LRRC4C: variants seen among roughly 807,000 people sequenced by gnomAD.
LRRC4C encodes leucine-rich repeat-containing protein 4C.
LRRC4C carries 5 observed loss-of-function variants against 33.6 expected under a neutral mutation model. The ratio of observed to expected loss-of-function variants is 0.15; its 90% CI spans 0.08 to 0.31. The LOEUF (loss-of-function observed/expected upper bound fraction) is 0.31, where lower values mean the gene tolerates loss of function less well. LRRC4C is among the 10% of genes least tolerant of loss of function. The probability of loss-of-function intolerance (pLI) is 1.00; values close to 1 mark genes in which losing one functional copy is unlikely to be tolerated. For missense variants in LRRC4C, 560 were observed against 796.7 expected (o/e 0.70, Z 3.58); for synonymous variants, 329 against 302.0 (o/e 1.09, Z -0.93).
intron 3 of LRRC4C, among the ~76,000 whole-genome samples, chr11:40,400,651 A>G (rs953438705): frequency 6.6e-6 from 1 of 152,056 alleles, no homozygotes; most frequent in African/African-American, 2.4e-5. Flanking sequence ...GAAACTCCAG[A>G]CATTCTGAAT....
intron 3 of LRRC4C, among the ~76,000 whole-genome samples, chr11:40,475,005 G>A (rs1045875160): frequency 2.0e-5 from 3 of 152,166 alleles, no homozygotes; most frequent in African/African-American, 7.2e-5. Context: ...CTGTTGGTGG[G>A]AGTGTAAATT....
intron 2 of LRRC4C, among the ~76,000 whole-genome samples, chr11:40,782,093 C>CA (rs933685217): frequency 6.6e-6 from 1 of 152,170 alleles, no homozygotes; most frequent in African/African-American, 2.4e-5. Context: ...TTAAAATGGG[C>CA]ATTACTGATT....
intron 1 of LRRC4C, among the ~76,000 whole-genome samples, chr11:41,005,554 A>T (rs1388791032): frequency 3.3e-5 from 5 of 152,114 alleles, no homozygotes; most frequent in African/African-American, 9.7e-5. Context: ...CAGTGAGCCG[A>T]TATCATGCCA....
chr11:40,584,319 A>G (rs1958613343), intron 3 of LRRC4C, among the ~76,000 whole-genome samples: 1 of 150,834 alleles, frequency 6.6e-6, no homozygotes, highest in Non-Finnish European at 1.5e-5. Flanking sequence ...CCCCTCAGTC[A>G]TGATAATAAA....
intron 2 of LRRC4C, among the ~76,000 whole-genome samples, chr11:40,885,349 A>C (rs1034835927): frequency 6.6e-6 from 1 of 152,080 alleles, no homozygotes; most frequent in African/African-American, 2.4e-5. Flanking sequence ...GCAAGATCTA[A>C]GTTGCAAGAT....
At chr11:40,984,322 AAAAGAAAG>A (rs202086093) in intron 1 of LRRC4C, among the ~76,000 whole-genome samples, 3 of 150,152 alleles carry the variant, frequency 2.0e-5, no homozygotes, top group Admixed American at 6.7e-5. Context: ...AAAGAAAAAG[AAAAGAAAG>A]AAAGAAAGAA....
At chr11:40,877,309 T>C (rs1430087557) in intron 2 of LRRC4C, among the ~76,000 whole-genome samples, 1 of 152,136 alleles carries the variant, frequency 6.6e-6, no homozygotes, top group Non-Finnish European at 1.5e-5. Flanking sequence ...CATGTAATTA[T>C]TCAAAGACTT....
intron 5 of LRRC4C, among the ~76,000 whole-genome samples, chr11:40,152,983 G>A (rs563086238): frequency 1.3e-4 from 20 of 152,178 alleles, no homozygotes; most frequent in African/African-American, 4.6e-4. Flanking sequence ...GGAGGCCAAT[G>A]AGCACAAAAA....
At chr11:40,889,000 T>C (rs1014480665) in intron 2 of LRRC4C, among the ~76,000 whole-genome samples, 1 of 152,004 alleles carries the variant, frequency 6.6e-6, no homozygotes, top group African/African-American at 2.4e-5. Context: ...AAAGGGTCCT[T>C]CCTTCCTGGA....
At chr11:40,381,277 G>A (rs946288750) in intron 3 of LRRC4C, among the ~76,000 whole-genome samples, 2 of 151,690 alleles carry the variant, frequency 1.3e-5, no homozygotes, top group Non-Finnish European at 2.9e-5. Context: ...TGCAACGGTG[G>A]GGTCAATCTG....
intron 2 of LRRC4C, among the ~76,000 whole-genome samples, chr11:40,920,731 A>G (rs1688657030): frequency 6.6e-6 from 1 of 152,132 alleles, no homozygotes; most frequent in Non-Finnish European, 1.5e-5. Flanking sequence ...TGGTACGTAG[A>G]ATAACGTGCC....
chr11:40,978,603 A>G (rs539413909), intron 1 of LRRC4C, among the ~76,000 whole-genome samples: 2 of 150,840 alleles, frequency 1.3e-5, no homozygotes, highest in East Asian at 1.9e-4. Flanking sequence ...ACTTTGTCTC[A>G]TGCCCCTCTT....
At chr11:40,897,679 C>G (rs78559521) in intron 2 of LRRC4C, among the ~76,000 whole-genome samples, 1 of 152,192 alleles carries the variant, frequency 6.6e-6, no homozygotes, top group African/African-American at 2.4e-5. Flanking sequence ...CTTCTGCTAA[C>G]GATAGAAAAA....
chr11:40,838,210 T>TGA (rs199691983), intron 2 of LRRC4C, among the ~76,000 whole-genome samples: 2 of 149,182 alleles, frequency 1.3e-5, no homozygotes, highest in African/African-American at 5.2e-5. Context: ...AAAATGTAAG[T>TGA]GAGAGAGAGA....
intron 3 of LRRC4C, among the ~76,000 whole-genome samples, chr11:40,616,608 T>C (rs1961860167): frequency 1.3e-5 from 2 of 151,762 alleles, no homozygotes; most frequent in Admixed American, 6.6e-5. Context: ...ATGTCCTTTG[T>C]AGGGACATGG....
chr11:40,359,682 T>A (rs1181815840), intron 3 of LRRC4C, among the ~76,000 whole-genome samples: 1 of 152,166 alleles, frequency 6.6e-6, no homozygotes, highest in Non-Finnish European at 1.5e-5. Context: ...GATTCCCAGT[T>A]GCTACAGGAT....
chr11:41,236,360 C>T (rs1948022382), intron 1 of LRRC4C, among the ~76,000 whole-genome samples: 1 of 151,972 alleles, frequency 6.6e-6, no homozygotes, highest in South Asian at 2.1e-4. Context: ...CATAGCCAAA[C>T]AGAATTTTAA....
intron 2 of LRRC4C, among the ~76,000 whole-genome samples, chr11:40,905,885 G>A (rs778595243): frequency 3.0e-4 from 46 of 152,328 alleles, no homozygotes; most frequent in African/African-American, 1.1e-3. Flanking sequence ...TAGCCACAGA[G>A]TTTAAGAAGA....
At position 41,377,968 on chromosome 11, in the gene LRRC4C, G is replaced by A. The variant is rs1226307837; in HGVS notation, c.-496+81463C>T. The stretch of plus-strand genomic sequence containing the variant: ...AATCACTTTCCCTTATATTTAATCC[G>A]GGTTAATATTGAGGCTCCTTTGTTA... On this transcript the variant is annotated intron_variant, in intron 1 of 6. Transcript: ENST00000528697. 5.9e-5 allele frequency among the ~76,000 whole-genome samples: 9 copies of A among 152,062 alleles called. No homozygotes were observed. The South Asian group carries it at 1.0e-3, about 17-fold the overall frequency.
Sources: allele counts gnomAD v4.1 joint callset (sites outside exome capture counted in the v4.1 genomes callset), GRCh38; gene constraint gnomAD v4.1.1; transcripts MANE v1.5; gene names NCBI Gene and HGNC (gene_info 2026-07-23, HGNC 2026-07-21).